CNNM2: variants seen among roughly 807,000 people sequenced by gnomAD.
CNNM2 encodes the protein cyclin and CBS domain divalent metal cation transport mediator 2.
A neutral mutation model predicts 66.9 loss-of-function variants in CNNM2; 12 were observed. The ratio of observed to expected loss-of-function variants is 0.18; its 90% CI spans 0.11 to 0.29. CNNM2 has a LOEUF of 0.29. Ranked by LOEUF, CNNM2 falls within the 10% of genes least tolerant of loss-of-function variation. The pLI, the probability that CNNM2 is intolerant of heterozygous loss-of-function variation, is 1.00. For missense variants in CNNM2, 705 were observed against 1,167.7 expected, an observed-to-expected ratio of 0.60 and a Z score of 5.77; for synonymous variants, 557 against 501.8, an observed-to-expected ratio of 1.11 and a Z score of -1.47.
intron 6 of CNNM2, 48 bp downstream of exon 6, chr10:103,071,887 G>A: frequency 6.4e-7 from 1 of 1,556,168 alleles, no homozygotes; most frequent in African/African-American, 1.4e-5. Flanking sequence ...TGCCTTCCTT[G>A]CCCCCCATCA....
At chr10:103,020,100 T>C (rs1320821644) in intron 1 of CNNM2, among the ~76,000 whole-genome samples, 1 of 152,202 alleles carries the variant, frequency 6.6e-6, no homozygotes, top group Non-Finnish European at 1.5e-5. Flanking sequence ...AAAATATTTC[T>C]ATATTTTGAC....
In CNNM2 at chr10:102,922,162, T is replaced by C. The variant is rs1280528586; in HGVS notation, c.1621+2061T>C. 2.0e-5 allele frequency among the ~76,000 whole-genome samples: 3 copies of C among 152,222 alleles called. No homozygotes were observed. In the East Asian group the frequency reaches 5.8e-4, roughly 29 times the overall value. Reference sequence around the variant, plus strand: ...AGAATGATGTATTTGGTTAAGAAGATAGTCCAAGTTAAAGGCATACATTCA... The same window carrying C: ...AGAATGATGTATTTGGTTAAGAAGACAGTCCAAGTTAAAGGCATACATTCA... On this transcript the variant is annotated intron_variant, in intron 1 of 7. Coordinates refer to ENST00000369878, the MANE Select transcript of CNNM2 (RefSeq NM_017649.5).
In CNNM2 at chr10:102,929,149, A is replaced by G. The variant is rs567947883; in HGVS notation, c.1621+9048A>G. ...GTGGCATGTGCCTGTAGTCCCAGCT[A>G]CTTAGGAGGCTGAGGTGGGAGAATT... On this transcript the variant is annotated intron_variant, in intron 1 of 7. Transcript: ENST00000369878. 7.2e-4 allele frequency among the ~76,000 whole-genome samples: 110 copies of G among 152,278 alleles called. 1 individual carries two copies. Among genetic ancestry groups the G allele is most frequent in the African/African-American group, 2.6e-3 (107 of 41,566 alleles).
chr10:102,950,076 G>A (rs1174152506), intron 1 of CNNM2, among the ~76,000 whole-genome samples: 1 of 152,324 alleles, frequency 6.6e-6, no homozygotes, highest in South Asian at 2.1e-4. Flanking sequence ...AGCTCCTGTC[G>A]TGGAGATACA....
chr10:103,037,262 TAATA>T (rs932332849), intron 1 of CNNM2, among the ~76,000 whole-genome samples: 2 of 148,154 alleles, frequency 1.3e-5, no homozygotes, highest in African/African-American at 2.4e-5. Context: ...TAGTATTATA[TAATA>T]AATATATATA....
intron 1 of CNNM2, among the ~76,000 whole-genome samples, chr10:102,951,976 T>A (rs1449907085): frequency 6.6e-6 from 1 of 152,110 alleles, no homozygotes; most frequent in Non-Finnish European, 1.5e-5. Context: ...GCTAATTTTG[T>A]ATTTTTAGTA....
intron 1 of CNNM2, among the ~76,000 whole-genome samples, chr10:103,020,782 A>G (rs1268983946): frequency 7.3e-6 from 1 of 136,578 alleles, no homozygotes; most frequent in Admixed American, 7.1e-5. Context: ...CTAGACTGGG[A>G]AGGGGCGAAG....
intron 1 of CNNM2, among the ~76,000 whole-genome samples, chr10:102,949,849 T>G (rs1315464140): frequency 6.6e-6 from 1 of 152,106 alleles, no homozygotes; most frequent in Non-Finnish European, 1.5e-5. Context: ...CACTACTACC[T>G]TCTGATGAGG....
At chr10:103,070,272 G>C in intron 5 of CNNM2, among the ~76,000 whole-genome samples, 1 of 152,220 alleles carries the variant, frequency 6.6e-6, no homozygotes, top group East Asian at 1.9e-4. Flanking sequence ...GGCATGAGAA[G>C]ACCTGGGTTA....
rs923383794 is a variant in CNNM2, at chr10:102,918,321, C to A, written c.-160C>A. On this transcript the variant is annotated 5_prime_UTR_variant, in exon 1 of 8. Coordinates refer to ENST00000369878, the MANE Select transcript of CNNM2 (RefSeq NM_017649.5). This position sits in a 1 kb window ranked among gnomAD's most constrained non-coding sequence, Gnocchi z 4.1. Reference sequence around the variant, plus strand: ...CTCCCTCTTTCCCTCCCGCGAGCCTCGGGGTTCCTCAGCTGGCTGAGGTGG... The same window carrying A: ...CTCCCTCTTTCCCTCCCGCGAGCCTAGGGGTTCCTCAGCTGGCTGAGGTGG... The A allele has an allele frequency of 1.1e-5, 14 of 1,261,914 alleles. No homozygotes were observed. The highest frequency in any genetic ancestry group is 5.6e-4 in the Middle Eastern group (2 of 3,576). 78.2% of individuals were successfully genotyped at this position (1,261,914 alleles called of 1,614,324 possible). A position where few individuals can be genotyped will look rare whatever the true frequency, so the allele number is the denominator to read the frequency against.
At chr10:103,025,918 A>G (rs1012258247) in intron 1 of CNNM2, among the ~76,000 whole-genome samples, 2 of 152,210 alleles carry the variant, frequency 1.3e-5, no homozygotes, top group South Asian at 2.1e-4. Flanking sequence ...TTAATCTCCA[A>G]TGCAAACACT....
intron 1 of CNNM2, among the ~76,000 whole-genome samples, chr10:102,969,613 A>G (rs990187963): frequency 6.6e-6 from 1 of 152,092 alleles, no homozygotes; most frequent in Non-Finnish European, 1.5e-5. Flanking sequence ...ACACTACTCT[A>G]TAATAGCGGC....
intron 1 of CNNM2, among the ~76,000 whole-genome samples, chr10:102,943,068 T>G (rs1330055870): frequency 6.6e-6 from 1 of 151,554 alleles, no homozygotes; most frequent in Non-Finnish European, 1.5e-5. Context: ...CTACTAAAAA[T>G]ACAAAAAGTA....
intron 1 of CNNM2, among the ~76,000 whole-genome samples, chr10:102,949,339 C>G (rs1402932108): frequency 6.6e-6 from 1 of 151,992 alleles, no homozygotes; most frequent in Non-Finnish European, 1.5e-5. Flanking sequence ...CCACGCCTGG[C>G]TAATTTTGTA....
chr10:103,012,258 C>T (rs542064616), intron 1 of CNNM2, among the ~76,000 whole-genome samples: 1 of 152,310 alleles, frequency 6.6e-6, no homozygotes, highest in East Asian at 1.9e-4. Context: ...GGCCAAATTG[C>T]CCTCCAATGA....
In CNNM2 at chr10:103,086,420, A is replaced by ATGT. The variant is rs1298846189; in HGVS notation, c.*9241_*9243dup. The ATGT allele has an allele frequency of 6.6e-6, 1 of 151,910 alleles. No homozygotes were observed. Among genetic ancestry groups the ATGT allele is most frequent in the Non-Finnish European group, 1.5e-5 (1 of 67,998 alleles). The allele number at this position is 151,910 out of a possible 1,614,324, so 9.4% of individuals were successfully genotyped here. Reference sequence around the variant, plus strand: ...GATTAAATAGTTTCCATAACATGGAATGTGGGTAAGGTTCCTACCCTAATA... The same window carrying ATGT: ...GATTAAATAGTTTCCATAACATGGAATGTTGTGGGTAAGGTTCCTACCCTAATA... On this transcript the variant is annotated 3_prime_UTR_variant, in exon 8 of 8. Transcript: ENST00000369878.
intron 1 of CNNM2, among the ~76,000 whole-genome samples, chr10:102,938,588 C>G (rs1846322912): frequency 6.9e-6 from 1 of 144,706 alleles, no homozygotes; most frequent in Admixed American, 7.1e-5. Flanking sequence ...CCACTGCACT[C>G]CTGCCTGGGT....
intron 1 of CNNM2, among the ~76,000 whole-genome samples, chr10:103,016,176 G>T (rs893359863): frequency 2.6e-5 from 4 of 151,954 alleles, no homozygotes; most frequent in Middle Eastern, 6.9e-3. Flanking sequence ...TCTCCATGGA[G>T]CCAGTTGCTT....
intron 1 of CNNM2, among the ~76,000 whole-genome samples, chr10:102,926,864 C>T (rs1414172681): frequency 6.6e-6 from 1 of 151,868 alleles, no homozygotes; most frequent in African/African-American, 2.4e-5. Context: ...TACAGGCACC[C>T]GCTGCCATGC....
Sources: gnomAD v4.1 joint callset for allele counts (sites outside exome capture counted in the v4.1 genomes callset) on GRCh38, gnomAD v4.1.1 for gene constraint, Gnocchi (gnomAD v3.1) non-coding constraint, MANE v1.5 for transcripts, NCBI Gene and HGNC (gene_info 2026-07-23, HGNC 2026-07-21) for gene names.